ATR: variants seen among roughly 807,000 people sequenced by gnomAD.
ATR encodes the protein ATR checkpoint kinase, also known as serine/threonine-protein kinase ATR.
ATR carries 142 observed loss-of-function variants against 305.3 expected under a neutral mutation model. The observed-to-expected ratio is 0.47, with a 90% confidence interval of 0.41 to 0.53. ATR has a LOEUF of 0.53. Among genes scored for constraint, ATR ranks in the 20% least tolerant of loss-of-function variants. ATR has a pLI of 0.00. For missense variants in ATR, 2,135 were observed against 3,133.1 expected (o/e 0.68, Z 7.60); for synonymous variants, 1,050 against 1,068.1 (o/e 0.98, Z 0.33).
At chr3:142,491,821 A>G (rs1409641938) in intron 35 of ATR, among the ~76,000 whole-genome samples, 1 of 152,082 alleles carries the variant, frequency 6.6e-6, no homozygotes, top group African/African-American at 2.4e-5. Flanking sequence ...TCTTTCTTGT[A>G]TCTTTGATTT....
At chr3:142,523,539 T>C (rs1198711693) in intron 22 of ATR, among the ~76,000 whole-genome samples, 1 of 152,204 alleles carries the variant, frequency 6.6e-6, no homozygotes, top group East Asian at 1.9e-4. Flanking sequence ...CTCTTGGAGA[T>C]ATAGTCTTAG....
chr3:142,480,691 T>C (rs1245186822), intron 36 of ATR, among the ~76,000 whole-genome samples: 1 of 152,000 alleles, frequency 6.6e-6, no homozygotes, highest in African/African-American at 2.4e-5. Context: ...AGAGGTGGAG[T>C]CTACAGAGGC....
chr3:142,484,954 TAA>T (rs1241555632), intron 36 of ATR, among the ~76,000 whole-genome samples, 184 bp downstream of exon 36: 1 of 152,184 alleles, frequency 6.6e-6, no homozygotes, highest in African/African-American at 2.4e-5. Flanking sequence ...TTTTTTCATT[TAA>T]AAAGTTTTTA....
At position 142,560,457 on chromosome 3, in the gene ATR, A is replaced by G. The variant is rs587783323; in HGVS notation, c.1350-3T>C. ...GGTTCATGTCCACATGTTTAATTCT[A>G]TAATTATGAATATAGTAGAGAGATA... On this transcript the variant is annotated splice_region_variant and splice_polypyrimidine_tract_variant and intron_variant, in intron 5 of 46. Transcript: ENST00000350721. 1.9e-5 allele frequency: 31 copies of G among 1,596,008 alleles called. No individual in the cohort carries two copies. The Middle Eastern group carries it at 6.6e-4, about 34-fold the overall frequency.
chr3:142,482,928 AT>A (rs1398846156), intron 36 of ATR, among the ~76,000 whole-genome samples: 4 of 146,122 alleles, frequency 2.7e-5, no homozygotes, highest in Non-Finnish European at 6.0e-5. Flanking sequence ...TTTTTTTTCC[AT>A]TTTTTTTCTC....
chr3:142,494,829 T>C (rs60321317), intron 34 of ATR, among the ~76,000 whole-genome samples: 140 of 152,308 alleles, frequency 9.2e-4, no homozygotes, highest in African/African-American at 3.2e-3. Flanking sequence ...AGGAGCAACA[T>C]GATTCGATGT....
rs1373555490 is a variant in ATR, at chr3:142,578,630, C to T, written c.59+16G>A. ...AGCGGAGGAGGATGCAGGACCCAGG[C>T]TGGGCCTAGCCCTACCTGCCCAGCT... On this transcript the variant is annotated intron_variant, in intron 1 of 46. Transcript: ENST00000350721. The T allele has an allele frequency of 1.2e-6, 2 of 1,609,998 alleles. No homozygotes were observed. Among genetic ancestry groups the T allele is most frequent in the Non-Finnish European group, 1.7e-6 (2 of 1,178,288 alleles).
intron 16 of ATR, among the ~76,000 whole-genome samples, chr3:142,543,829 C>G (rs1250914148): frequency 2.0e-5 from 3 of 151,848 alleles, no homozygotes; most frequent in Non-Finnish European, 4.4e-5. Context: ...ACCACCTCGC[C>G]CAGCTAATTT....
intron 3 of ATR, among the ~76,000 whole-genome samples, chr3:142,563,963 G>A (rs1247496836): frequency 6.6e-6 from 1 of 152,166 alleles, no homozygotes; most frequent in Non-Finnish European, 1.5e-5. Context: ...GAAATTTCCA[G>A]TAGGAAAAAA....
Position 142,508,376 on chromosome 3 carries a change from C to T in ATR, c.4853-267G>A, listed in dbSNP as rs78028260. On this transcript the variant is annotated intron_variant, in intron 27 of 46. Transcript: ENST00000350721. ...ATAAAAGGAAAATGTTAGTACCTGT[C>T]TTGCCTTCCTTACAACGTTGTTGGT... is the stretch of plus-strand genomic sequence containing the variant. 2.8e-3 allele frequency among the ~76,000 whole-genome samples: 432 copies of T among 152,236 alleles called. 1 individual carries two copies. The highest frequency in any genetic ancestry group is 4.6e-3 in the Non-Finnish European group (315 of 68,016).
intron 1 of ATR, among the ~76,000 whole-genome samples, chr3:142,571,696 T>C (rs561010886): frequency 1.3e-4 from 20 of 152,348 alleles, no homozygotes; most frequent in African/African-American, 4.6e-4. Context: ...TATTTCTATA[T>C]AGCACTGTAA....
intron 23 of ATR, among the ~76,000 whole-genome samples, chr3:142,521,608 T>C (rs1175878834): frequency 6.6e-6 from 1 of 152,154 alleles, no homozygotes; most frequent in Non-Finnish European, 1.5e-5. Context: ...AACAGGAGTT[T>C]GAAAGAAGTT....
At chr3:142,556,354 T>C (rs1225441005) in intron 9 of ATR, 29 bp downstream of exon 9, 1 of 1,586,302 alleles carries the variant, frequency 6.3e-7, no homozygotes, top group Admixed American at 1.7e-5. Context: ...AATAGAGTGA[T>C]ATATTCAAAT....
chr3:142,549,698 A>T, intron 14 of ATR, 25 bp from the exon 15 acceptor site: 1 of 1,603,988 alleles, frequency 6.2e-7, no homozygotes, highest in Non-Finnish European at 8.5e-7. Context: ...AACAATTACC[A>T]AAAAGTACAT....
rs762564926 is a variant in ATR, at chr3:142,558,649, T to G, written c.1860A>C (p.Leu620Phe). The change falls in exon 8 of 47, where the codon TTA (leucine) becomes TTC (phenylalanine). Residue 620 changes from leucine (L) to phenylalanine (F), a missense_variant. This residue lies in a region of ATR where 744 missense variants were observed against 873.2 expected (regional missense o/e 0.85). Coordinates refer to ENST00000350721, the MANE Select transcript of ATR (RefSeq NM_001184.4). ...AATAGCTATCTGAAATCCTACAGCT[T>G]AATGTTAGAAGATTAGCGGCAAATG... ...LTTFAANLLT[L>F]SCRISDSYSP... 3.1e-6 allele frequency: 5 copies of G among 1,613,280 alleles called. No homozygotes were observed. Among genetic ancestry groups the G allele is most frequent in the Non-Finnish European group, 4.2e-6 (5 of 1,179,578 alleles).
At chr3:142,485,025 G>GA (rs1437999941) in intron 36 of ATR, 115 bp downstream of exon 36, 12 of 1,458,794 alleles carry the variant, frequency 8.2e-6, no homozygotes, top group Non-Finnish European at 1.0e-5. Flanking sequence ...GTGATACACT[G>GA]AATCAGTCAT....
intron 1 of ATR, among the ~76,000 whole-genome samples, chr3:142,569,658 T>C (rs914941745): frequency 6.7e-6 from 1 of 149,176 alleles, no homozygotes; most frequent in Non-Finnish European, 1.5e-5. Flanking sequence ...TGTTTTTTGG[T>C]TTTTTTTGAG....
chr3:142,522,429 T>G (rs1220509107), intron 23 of ATR, among the ~76,000 whole-genome samples: 1 of 152,180 alleles, frequency 6.6e-6, no homozygotes, highest in Non-Finnish European at 1.5e-5. Flanking sequence ...GTTTTAGAGC[T>G]GTGAACATCC....
At chr3:142,495,426 G>A (rs935519570) in intron 34 of ATR, among the ~76,000 whole-genome samples, 9 of 152,128 alleles carry the variant, frequency 5.9e-5, no homozygotes, top group Non-Finnish European at 2.9e-5. Flanking sequence ...CTAGCCTGAG[G>A]AGAAATTTAA....
Sources: gnomAD v4.1 joint callset for allele counts (sites outside exome capture counted in the v4.1 genomes callset) on GRCh38, gnomAD v4.1.1 for gene constraint, gnomAD v4.1.1 regional missense constraint, MANE v1.5 for transcripts, NCBI Gene and HGNC (gene_info 2026-07-23, HGNC 2026-07-21) for gene names.